Variants in STAG1 observed in about 807,000 individuals in gnomAD.
The protein encoded by STAG1 is STAG1 cohesin complex component.
Under a neutral mutation model 170.9 loss-of-function variants are expected in STAG1, and 26 were observed. The observed-to-expected ratio is 0.15, with a 90% CI of 0.11 to 0.21. The LOEUF (loss-of-function observed/expected upper bound fraction) is 0.21, where lower values mean the gene tolerates loss of function less well. Ranked by LOEUF, STAG1 falls within the 10% of genes least tolerant of loss-of-function variation. STAG1 has a pLI of 1.00. For missense variants in STAG1, 964 were observed against 1,509.5 expected, an observed-to-expected ratio of 0.64 and a Z score of 5.99; for synonymous variants, 514 against 497.7, an observed-to-expected ratio of 1.03 and a Z score of -0.44.
chr3:136,535,895 T>C (rs1480020960), intron 6 of STAG1, among the ~76,000 whole-genome samples: 2 of 152,204 alleles, frequency 1.3e-5, no homozygotes, highest in Non-Finnish European at 2.9e-5. Context: ...ACCGAATTCC[T>C]ACTATCTGGC....
At chr3:136,396,043 C>G (rs2087138199) in intron 22 of STAG1, among the ~76,000 whole-genome samples, 1 of 152,062 alleles carries the variant, frequency 6.6e-6, no homozygotes, top group African/African-American at 2.4e-5. Context: ...ACTGGAATTA[C>G]AGATGTGCGC....
chr3:136,354,356 G>A (rs574952739), intron 28 of STAG1, among the ~76,000 whole-genome samples: 14 of 152,152 alleles, frequency 9.2e-5, no homozygotes, highest in Non-Finnish European at 1.8e-4. Context: ...GCAGTGGCAC[G>A]ATATTGGCTT....
chr3:136,710,622 T>TC (rs1254100780), intron 1 of STAG1, among the ~76,000 whole-genome samples: 2 of 151,386 alleles, frequency 1.3e-5, no homozygotes, highest in Non-Finnish European at 2.9e-5. Context: ...TTATAGCCCC[T>TC]CCCCCCTCCA....
At chr3:136,558,247 C>A (rs1936701133) in intron 5 of STAG1, among the ~76,000 whole-genome samples, 1 of 152,106 alleles carries the variant, frequency 6.6e-6, no homozygotes, top group Admixed American at 6.6e-5. Context: ...CAAAAATTAG[C>A]CAGGCGTGGT....
At chr3:136,413,867 T>C (rs9826198) in intron 21 of STAG1, among the ~76,000 whole-genome samples, 2,032 of 152,252 alleles carry the variant, frequency 0.013, 27 homozygotes, top group Middle Eastern at 0.031. Context: ...ACCCTGAATA[T>C]AGCGCAAGTT....
rs62726661 is a variant in STAG1 at position 136,561,817 on chromosome 3, A to ATT, written c.394+6946_394+6947dup. ...ATGACGCTGGCTTTGGGGTTAAAAC[A>ATT]TTTTTTTTTTTTTTCATTTTTGTAC... is the stretch of plus-strand genomic sequence containing the variant. On this transcript the variant is annotated intron_variant, in intron 5 of 33. Transcript: ENST00000383202. Among the ~76,000 whole-genome samples, 851 of 146,992 alleles carry ATT rather than the reference A, an allele frequency of 5.8e-3. 9 individuals carry two copies. Among genetic ancestry groups the ATT allele is most frequent in the African/African-American group, 0.018 (700 of 39,722 alleles).
intron 22 of STAG1, among the ~76,000 whole-genome samples, chr3:136,379,860 A>C (rs1021506904): frequency 6.6e-6 from 1 of 152,222 alleles, no homozygotes; most frequent in Non-Finnish European, 1.5e-5. Context: ...TATCACGTTA[A>C]ATCATTTGAA....
At chr3:136,748,352 G>A (rs1470680624) in intron 1 of STAG1, among the ~76,000 whole-genome samples, 1 of 151,920 alleles carries the variant, frequency 6.6e-6, no homozygotes, top group Non-Finnish European at 1.5e-5. Flanking sequence ...AGTGAGCCTA[G>A]ATCATGCCAT....
chr3:136,452,281 C>T, intron 13 of STAG1, 134 bp from the exon 14 acceptor site: 1 of 620,552 alleles, frequency 1.6e-6, no homozygotes. Flanking sequence ...CATCAGAGAT[C>T]AGGCCAGGTG....
intron 1 of STAG1, among the ~76,000 whole-genome samples, chr3:136,723,693 T>C (rs1222369725): frequency 2.4e-5 from 3 of 127,410 alleles, no homozygotes; most frequent in South Asian, 2.7e-4. Context: ...CCACCCCGTC[T>C]GGGAGGTGAG....
intron 1 of STAG1, among the ~76,000 whole-genome samples, chr3:136,655,350 T>C (rs1252611601): frequency 6.6e-6 from 1 of 152,108 alleles, no homozygotes; most frequent in Non-Finnish European, 1.5e-5. Context: ...CCAAAGAAAA[T>C]ACACGAATGG....
intron 9 of STAG1, among the ~76,000 whole-genome samples, chr3:136,491,043 A>C (rs1406877949): frequency 6.6e-6 from 1 of 152,116 alleles, no homozygotes; most frequent in East Asian, 1.9e-4. Context: ...AAGTTTTTTT[A>C]ATCTGAAGTT....
At chr3:136,438,366 G>A (rs918953402) in intron 15 of STAG1, among the ~76,000 whole-genome samples, 3 of 151,130 alleles carry the variant, frequency 2.0e-5, no homozygotes, top group African/African-American at 4.8e-5. Flanking sequence ...GGGATGACAA[G>A]GCGCGTGCCA....
chr3:136,589,628 C>CAAAAAAAAAAA (rs71626007), intron 4 of STAG1, among the ~76,000 whole-genome samples: 1 of 46,194 alleles, frequency 2.2e-5, no homozygotes, highest in Non-Finnish European at 4.8e-5. Flanking sequence ...CAAAGGGAGC[C>CAAAAAAAAAAA]AAAAAAAAAA....
At chr3:136,590,118 G>A (rs186983900) in intron 4 of STAG1, among the ~76,000 whole-genome samples, 41 of 151,752 alleles carry the variant, frequency 2.7e-4, no homozygotes, top group African/African-American at 8.7e-4. Flanking sequence ...GTGAGACTCC[G>A]TCTCTAAATA....
At chr3:136,587,430 C>T (rs1212263103) in intron 4 of STAG1, among the ~76,000 whole-genome samples, 2 of 150,304 alleles carry the variant, frequency 1.3e-5, no homozygotes, top group Non-Finnish European at 3.0e-5. Context: ...ATCCCAGCTA[C>T]TCGGGAGGCT....
intron 21 of STAG1, among the ~76,000 whole-genome samples, chr3:136,412,103 A>G (rs1292620274): frequency 2.0e-5 from 3 of 152,190 alleles, no homozygotes; most frequent in Admixed American, 2.0e-4. Flanking sequence ...AATCTGCTAC[A>G]ATTTGAGAAC....
chr3:136,342,484 A>G (rs1254242263), intron 30 of STAG1, among the ~76,000 whole-genome samples: 1 of 150,860 alleles, frequency 6.6e-6, no homozygotes, highest in Non-Finnish European at 1.5e-5. Context: ...ACACCTGGCT[A>G]ATTTTGTGGT....
intron 1 of STAG1, among the ~76,000 whole-genome samples, chr3:136,703,497 A>G (rs942261481): frequency 6.6e-6 from 1 of 152,212 alleles, no homozygotes; most frequent in Non-Finnish European, 1.5e-5. Context: ...CCATTGAGCT[A>G]AAGTGATTTA....
Sources: allele counts gnomAD v4.1 joint callset (sites outside exome capture counted in the v4.1 genomes callset), GRCh38; gene constraint gnomAD v4.1.1; transcripts MANE v1.5; gene names NCBI Gene and HGNC (gene_info 2026-07-23, HGNC 2026-07-21).